GPD2: variants seen among roughly 807,000 people sequenced by gnomAD.
GPD2 encodes glycerol-3-phosphate dehydrogenase, mitochondrial.
Under a neutral mutation model 82.4 loss-of-function variants are expected in GPD2, and 54 were observed. The ratio of observed to expected loss-of-function variants is 0.66; its 90% CI spans 0.53 to 0.82. The LOEUF (loss-of-function observed/expected upper bound fraction) is 0.82, where lower values mean the gene tolerates loss of function less well. GPD2 is among the 40% of genes least tolerant of loss of function. The pLI is 0.00. For missense variants in GPD2, 748 were observed against 896.2 expected (o/e 0.83, Z 2.11); for synonymous variants, 288 against 306.1 (o/e 0.94, Z 0.62).
intron 1 of GPD2, among the ~76,000 whole-genome samples, chr2:156,469,902 G>A (rs1322617827): frequency 6.6e-6 from 1 of 152,200 alleles, no homozygotes; most frequent in African/African-American, 2.4e-5. Context: ...GTTACAGGAA[G>A]GGGGTCCCCA....
Position 156,582,820 on chromosome 2 carries a change from G to A in GPD2, c.2086G>A (p.Val696Ile). Residue 696 changes from valine to isoleucine, a missense_variant, in exon 17 of 17, where the codon GTA (valine) becomes ATA (isoleucine). Around this residue, in one of 3 missense-constraint regions of GPD2, gnomAD observed 46 missense variants for 49.1 expected, o/e 0.94. Transcript: ENST00000438166. The part of the protein sequence containing the change: ...QLMSAIQKGR[V>I]SGSRLAILMK... ...GATGAGTGCTATTCAAAAAGGAAGG[G>A]TATCTGGAAGCCGGCTTGCTATACT... 1 of 1,613,036 alleles carries A rather than the reference G, an allele frequency of 6.2e-7. No homozygotes were observed.
chr2:156,495,996 A>C, intron 2 of GPD2, 48 bp from the exon 3 acceptor site: 1 of 1,455,626 alleles, frequency 6.9e-7, no homozygotes, highest in Non-Finnish European at 9.6e-7. Context: ...AAATTTGTTA[A>C]ATTGACATTC....
rs889877881 is a variant in GPD2, at chr2:156,584,512, C to T, written c.*1594C>T. 10 of 152,538 alleles carry T rather than the reference C, an allele frequency of 6.6e-5. No homozygotes were observed. The highest frequency in any genetic ancestry group is 5.9e-4 in the Admixed American group (9 of 15,236). The allele number at this position is 152,538 out of a possible 1,614,324, so 9.4% of individuals were successfully genotyped here. A position where few individuals can be genotyped will look rare whatever the true frequency, so the allele number is the denominator to read the frequency against. ...CACTGGAGGTTCACTCACCTACGCA[C>T]TCACCCACCACCTCTGAAAGAAACA... On this transcript the variant is annotated 3_prime_UTR_variant, in exon 17 of 17. Transcript: ENST00000438166.
At chr2:156,566,711 A>G (rs554838410) in intron 9 of GPD2, among the ~76,000 whole-genome samples, 2 of 152,252 alleles carry the variant, frequency 1.3e-5, no homozygotes, top group East Asian at 1.9e-4. Flanking sequence ...TCTTTGGAGT[A>G]TATACCCAGA....
At chr2:156,427,300 C>A in the GPD2 span, among the ~76,000 whole-genome samples, 1 of 152,320 alleles carries the variant, frequency 6.6e-6, no homozygotes, top group East Asian at 1.9e-4. Context: ...ATCTGTCTGC[C>A]TCGGACCCCA....
At chr2:156,464,292 T>C (rs1352701655) in intron 1 of GPD2, among the ~76,000 whole-genome samples, 1 of 152,186 alleles carries the variant, frequency 6.6e-6, no homozygotes, top group African/African-American at 2.4e-5. Flanking sequence ...GGAAGTGTAA[T>C]CAGTAAGCTA....
chr2:156,520,350 C>G (rs1158708224), intron 6 of GPD2, among the ~76,000 whole-genome samples: 2 of 75,046 alleles, frequency 2.7e-5, no homozygotes, highest in Non-Finnish European at 6.3e-5. Flanking sequence ...TCCCTGCCTC[C>G]TGTCCAATAT....
At chr2:156,442,284 T>A (rs918742299) in intron 1 of GPD2, among the ~76,000 whole-genome samples, 1 of 152,220 alleles carries the variant, frequency 6.6e-6, no homozygotes, top group Non-Finnish European at 1.5e-5. Context: ...CTTAGAATGC[T>A]TTGCTACTTG....
chr2:156,400,763 C>A, the GPD2 span, among the ~76,000 whole-genome samples: 1 of 152,188 alleles, frequency 6.6e-6, no homozygotes, highest in Non-Finnish European at 1.5e-5. Context: ...AATATGCTTT[C>A]GGCTGGGGGA....
chr2:156,566,809 C>G (rs1687408788), intron 9 of GPD2, among the ~76,000 whole-genome samples: 1 of 152,070 alleles, frequency 6.6e-6, no homozygotes, highest in Non-Finnish European at 1.5e-5. Flanking sequence ...CACCATTTTA[C>G]CTTCTAACCA....
chr2:156,530,063 A>G (rs1416735576), intron 6 of GPD2, among the ~76,000 whole-genome samples: 3 of 148,950 alleles, frequency 2.0e-5, no homozygotes, highest in Non-Finnish European at 3.0e-5. Flanking sequence ...GATTCTTCCT[A>G]CCCATGAGCA....
At chr2:156,414,804 A>G in the GPD2 span, among the ~76,000 whole-genome samples, 2 of 152,194 alleles carry the variant, frequency 1.3e-5, no homozygotes, top group Non-Finnish European at 2.9e-5. Flanking sequence ...TTTCAAATGG[A>G]GATGTCATCA....
intron 1 of GPD2, among the ~76,000 whole-genome samples, chr2:156,437,867 TG>T (rs1682006862): frequency 6.6e-6 from 1 of 152,248 alleles, no homozygotes; most frequent in Admixed American, 6.5e-5. Context: ...TAGTTTTTTT[TG>T]TAACTATTTA....
intron 13 of GPD2, among the ~76,000 whole-genome samples, 191 bp downstream of exon 13, chr2:156,571,483 A>G (rs1363760058): frequency 1.3e-5 from 2 of 152,148 alleles, no homozygotes; most frequent in African/African-American, 2.4e-5. Flanking sequence ...TGTTTATGGA[A>G]AATCTCTTGT....
intron 2 of GPD2, among the ~76,000 whole-genome samples, chr2:156,487,765 T>G (rs1275076404): frequency 2.0e-5 from 3 of 152,224 alleles, no homozygotes; most frequent in Non-Finnish European, 2.9e-5. Flanking sequence ...TCTCTGACTT[T>G]CAGTGAGCCA....
chr2:156,525,198 A>G (rs778939725), intron 6 of GPD2, among the ~76,000 whole-genome samples: 23 of 152,188 alleles, frequency 1.5e-4, no homozygotes, highest in Non-Finnish European at 3.4e-4. Context: ...AATTTGAAGT[A>G]TTTGATAGAT....
chr2:156,517,136 A>T (rs979058226), intron 6 of GPD2, among the ~76,000 whole-genome samples: 8 of 151,968 alleles, frequency 5.3e-5, no homozygotes, highest in South Asian at 2.1e-4. Flanking sequence ...CATTTTATAT[A>T]TTTTTTTTAA....
At chr2:156,480,979 A>C (rs1269227837) in intron 2 of GPD2, among the ~76,000 whole-genome samples, 1 of 151,630 alleles carries the variant, frequency 6.6e-6, no homozygotes, top group Non-Finnish European at 1.5e-5. Context: ...GGGAGGAATT[A>C]TCTTCTTAGA....
chr2:156,429,873 C>G, the GPD2 span, among the ~76,000 whole-genome samples: 1 of 152,138 alleles, frequency 6.6e-6, no homozygotes, highest in South Asian at 2.1e-4. Context: ...AGTGATTGGT[C>G]TGATCCTGCT....
Sources: gnomAD v4.1 joint callset for allele counts (sites outside exome capture counted in the v4.1 genomes callset) on GRCh38, gnomAD v4.1.1 for gene constraint, gnomAD v4.1.1 regional missense constraint, MANE v1.5 for transcripts, NCBI Gene and HGNC (gene_info 2026-07-23, HGNC 2026-07-21) for gene names.